The following PTPRO variants were observed in gnomAD, a reference collection of about 807,000 sequenced individuals.
PTPRO encodes the protein protein tyrosine phosphatase receptor type O, also known as receptor-type tyrosine-protein phosphatase O.
A neutral mutation model predicts 145.2 loss-of-function variants in PTPRO; 62 were observed. The ratio of observed to expected loss-of-function variants is 0.43; its 90% CI spans 0.35 to 0.53. The LOEUF (loss-of-function observed/expected upper bound fraction) is 0.53, where lower values mean the gene tolerates loss of function less well. PTPRO is among the 20% of genes least tolerant of loss of function. PTPRO has a pLI of 0.01. For synonymous variants in PTPRO, 565 were observed against 514.7 expected (o/e 1.10, Z -1.32); for missense variants, 1,345 against 1,482.7 (o/e 0.91, Z 1.53).
At chr12:15,471,272 T>G (rs756404771) in intron 1 of PTPRO, among the ~76,000 whole-genome samples, 1 of 151,958 alleles carries the variant, frequency 6.6e-6, no homozygotes, top group Non-Finnish European at 1.5e-5. Flanking sequence ...CCCAGATACT[T>G]GGGAGGCTGA....
At chr12:15,559,275 CAAAG>C (rs1829449406) in intron 16 of PTPRO, among the ~76,000 whole-genome samples, 1 of 152,140 alleles carries the variant, frequency 6.6e-6, no homozygotes, top group Non-Finnish European at 1.5e-5. Flanking sequence ...CAGCTCTTCA[CAAAG>C]ACAGTTTTGC....
At chr12:15,498,719 G>C (rs1942158490) in intron 3 of PTPRO, among the ~76,000 whole-genome samples, 1 of 152,054 alleles carries the variant, frequency 6.6e-6, no homozygotes, top group African/African-American at 2.4e-5. Context: ...TTTGTTTATA[G>C]ATCACATGCA....
intron 1 of PTPRO, chr12:15,439,586 G>T: frequency 3.6e-6 from 1 of 280,826 alleles, no homozygotes; most frequent in South Asian, 3.6e-5. Context: ...CTGGGATGGG[G>T]AACCACAGTG....
At chr12:15,360,346 T>G (rs982567418) in intron 1 of PTPRO, among the ~76,000 whole-genome samples, 1 of 152,190 alleles carries the variant, frequency 6.6e-6, no homozygotes, top group Admixed American at 6.5e-5. Context: ...CTAACATCTC[T>G]GATTATAAGT....
intron 1 of PTPRO, among the ~76,000 whole-genome samples, chr12:15,417,119 C>T (rs1014189958): frequency 6.6e-6 from 1 of 151,686 alleles, no homozygotes; most frequent in African/African-American, 2.4e-5. Context: ...TACTCCTACA[C>T]AGTCCAACTA....
intron 1 of PTPRO, among the ~76,000 whole-genome samples, chr12:15,466,660 A>C (rs1290096648): frequency 6.6e-6 from 1 of 152,174 alleles, no homozygotes; most frequent in Non-Finnish European, 1.5e-5. Context: ...TCTCACAACA[A>C]CCTTGTGATG....
At chr12:15,497,489 G>A in intron 3 of PTPRO, 86 bp downstream of exon 3, 3 of 1,399,628 alleles carry the variant, frequency 2.1e-6, no homozygotes, top group Non-Finnish European at 1.0e-6. Flanking sequence ...TTACTGCAAA[G>A]AGGTTTTATA....
At chr12:15,349,989 G>A (rs1937746073) in intron 1 of PTPRO, among the ~76,000 whole-genome samples, 1 of 152,166 alleles carries the variant, frequency 6.6e-6, no homozygotes. Context: ...AATTTAAGGT[G>A]TGTATTGGAT....
chr12:15,391,403 T>G (rs1939185834), intron 1 of PTPRO, among the ~76,000 whole-genome samples: 1 of 152,218 alleles, frequency 6.6e-6, no homozygotes, highest in Non-Finnish European at 1.5e-5. Context: ...TTTGTAACAC[T>G]TTGGCTGGCC....
At chr12:15,586,782 C>A (rs2135664631) in intron 23 of PTPRO, 115 bp from the exon 24 acceptor site, 1 of 1,160,196 alleles carries the variant, frequency 8.6e-7, no homozygotes, top group Non-Finnish European at 1.3e-6. Context: ...GGAAAGTGTA[C>A]TGACCAGGAG....
chr12:15,566,863 C>A (rs1160495333), intron 18 of PTPRO, among the ~76,000 whole-genome samples: 1 of 152,116 alleles, frequency 6.6e-6, no homozygotes, highest in African/African-American at 2.4e-5. Flanking sequence ...CTGGCTTATA[C>A]CAACTGATGT....
intron 10 of PTPRO, among the ~76,000 whole-genome samples, chr12:15,520,596 A>T (rs1350407698): frequency 6.6e-6 from 1 of 152,214 alleles, no homozygotes; most frequent in African/African-American, 2.4e-5. Context: ...TAGAATAGAA[A>T]TATGGCAGGC....
intron 3 of PTPRO, among the ~76,000 whole-genome samples, chr12:15,498,902 G>C (rs751851957): frequency 6.6e-6 from 1 of 152,052 alleles, no homozygotes; most frequent in African/African-American, 2.4e-5. Flanking sequence ...TTTTGAGTTG[G>C]ATTGGATTTT....
chr12:15,517,401 G>A (rs1942622733), intron 9 of PTPRO, among the ~76,000 whole-genome samples: 1 of 152,046 alleles, frequency 6.6e-6, no homozygotes, highest in South Asian at 2.1e-4. Context: ...ATGAGATTTG[G>A]GTGAGAACAC....
chr12:15,332,451 CT>C (rs1285061030), intron 1 of PTPRO, among the ~76,000 whole-genome samples: 2 of 152,146 alleles, frequency 1.3e-5, no homozygotes, highest in Non-Finnish European at 2.9e-5. Context: ...ATCTTCCTTA[CT>C]TTATGGACTG....
intron 21 of PTPRO, 80 bp from the exon 22 acceptor site, chr12:15,580,617 G>A: frequency 1.3e-6 from 2 of 1,587,490 alleles, no homozygotes; most frequent in Non-Finnish European, 8.6e-7. Flanking sequence ...TAAGTTTTCA[G>A]TTTTTTTCCC....
rs1042563979 is a variant in PTPRO at position 15,483,015 on chromosome 12, C to T, written c.76-959C>T. ...AAATGAGATGTTTTTATATATGGAGCGCCTGGCATAGTGCCTGGATCCCTG... is the reference window on the plus strand; with the variant it reads ...AAATGAGATGTTTTTATATATGGAGTGCCTGGCATAGTGCCTGGATCCCTG... On this transcript the variant is annotated intron_variant, in intron 1 of 26. Transcript: ENST00000281171. Among the ~76,000 whole-genome samples, 6 of 152,174 alleles carry T rather than the reference C, an allele frequency of 3.9e-5. No homozygotes were observed. In the East Asian group the frequency reaches 5.8e-4, roughly 15 times the overall value.
intron 2 of PTPRO, among the ~76,000 whole-genome samples, chr12:15,489,404 T>C (rs1313308519): frequency 1.3e-5 from 2 of 152,200 alleles, no homozygotes; most frequent in East Asian, 3.8e-4. Context: ...TTTATGTTTA[T>C]CTATTGATTA....
At chr12:15,428,515 C>T (rs1940345204) in intron 1 of PTPRO, among the ~76,000 whole-genome samples, 1 of 151,946 alleles carries the variant, frequency 6.6e-6, no homozygotes, top group African/African-American at 2.4e-5. Flanking sequence ...AAGAGTACCC[C>T]AAAGTACTTT....
Sources: allele counts gnomAD v4.1 joint callset (sites outside exome capture counted in the v4.1 genomes callset), GRCh38; gene constraint gnomAD v4.1.1; transcripts MANE v1.5; gene names NCBI Gene and HGNC (gene_info 2026-07-23, HGNC 2026-07-21).